Variants in ADCY10 observed in about 807,000 individuals in gnomAD.
The protein encoded by ADCY10 is adenylate cyclase type 10.
Under a neutral mutation model 183.3 loss-of-function variants are expected in ADCY10, and 156 were observed. That is an observed-to-expected ratio of 0.85 (90% CI 0.75 to 0.97). The LOEUF (loss-of-function observed/expected upper bound fraction) is 0.97, where lower values mean the gene tolerates loss of function less well. Among genes scored for constraint, ADCY10 ranks in the 50% least tolerant of loss-of-function variants. ADCY10 has a pLI of 0.00. For synonymous variants in ADCY10, 645 were observed against 670.0 expected, an observed-to-expected ratio of 0.96 and a Z score of 0.58; for missense variants, 1,745 against 1,934.3, an observed-to-expected ratio of 0.90 and a Z score of 1.84.
intron 18 of ADCY10, among the ~76,000 whole-genome samples, chr1:167,850,968 T>C (rs1405754009): frequency 6.6e-6 from 1 of 152,066 alleles, no homozygotes; most frequent in African/African-American, 2.4e-5. Flanking sequence ...AATCTCGTAA[T>C]TCAATTATGT....
At chr1:167,825,903 G>A (rs768221138) in intron 26 of ADCY10, among the ~76,000 whole-genome samples, 2 of 152,194 alleles carry the variant, frequency 1.3e-5, no homozygotes, top group Non-Finnish European at 2.9e-5. Flanking sequence ...GAATAGTGAG[G>A]AGAAAAGGGT....
chr1:167,895,741 AG>A (rs1668929397), intron 7 of ADCY10, among the ~76,000 whole-genome samples: 1 of 152,166 alleles, frequency 6.6e-6, no homozygotes, highest in Admixed American at 6.5e-5. Flanking sequence ...GGACCTTGAG[AG>A]TGAGTGTCTG....
chr1:167,896,264 A>G (rs1263735343), intron 7 of ADCY10, among the ~76,000 whole-genome samples: 2 of 152,232 alleles, frequency 1.3e-5, no homozygotes, highest in African/African-American at 4.8e-5. Context: ...ACATTTACAG[A>G]TTACTTTTCC....
At chr1:167,911,594 C>T (rs113184507) in intron 1 of ADCY10, among the ~76,000 whole-genome samples, 4 of 152,194 alleles carry the variant, frequency 2.6e-5, no homozygotes, top group East Asian at 1.9e-4. Context: ...GGTCCTGTTC[C>T]GGCCAATGGG....
intron 10 of ADCY10, 29 bp downstream of exon 10, chr1:167,880,462 C>T (rs772627123): frequency 2.4e-5 from 37 of 1,537,178 alleles, no homozygotes; most frequent in East Asian, 2.2e-5. Flanking sequence ...GGTCAGGGAC[C>T]GCTGGGTGGG....
chr1:167,858,103 T>C (rs1666030183), intron 16 of ADCY10, among the ~76,000 whole-genome samples: 1 of 152,196 alleles, frequency 6.6e-6, no homozygotes, highest in South Asian at 2.1e-4. Context: ...ATTATAAATA[T>C]AATACAATGC....
At chr1:167,894,039 G>A in intron 7 of ADCY10, 98 bp from the exon 8 acceptor site, 1 of 813,942 alleles carries the variant, frequency 1.2e-6, no homozygotes, top group Non-Finnish European at 2.1e-6. Flanking sequence ...TTGGGCAGTG[G>A]GCCTTCTTGT....
intron 14 of ADCY10, among the ~76,000 whole-genome samples, chr1:167,867,031 C>T (rs1482950824): frequency 6.6e-6 from 1 of 152,200 alleles, no homozygotes; most frequent in African/African-American, 2.4e-5. Flanking sequence ...CTAATGAATG[C>T]TAGACTAACT....
rs199992108 is a variant in ADCY10 at position 167,859,853 on chromosome 1, T to C, written c.1850A>G (p.Lys617Arg). 23 of 1,613,788 alleles carry C rather than the reference T, an allele frequency of 1.4e-5. No individual in the cohort carries two copies. Among genetic ancestry groups the C allele is most frequent in the Admixed American group, 8.3e-5 (5 of 60,028 alleles). Reference protein sequence around the residue: ...SREISRMSTLKKQKQLEILFM... With the variant: ...SREISRMSTLRKQKQLEILFM... ...CAATATTTCCAATTGTTTTTGCTTT[T>C]TCAAGGTGCTCATCCTGGAAATCTC... Residue 617 changes from lysine (K) to arginine (R), a missense_variant, in exon 16 of 33, where the codon AAA (lysine) becomes AGA (arginine). Lys to Arg is a conservative substitution (Grantham distance 26, BLOSUM62 2). Transcript: ENST00000367851.
At chr1:167,896,758 TC>T (rs1222606467) in intron 6 of ADCY10, 67 bp from the exon 7 acceptor site, 37 of 1,131,730 alleles carry the variant, frequency 3.3e-5, no homozygotes, top group Non-Finnish European at 4.8e-5. Flanking sequence ...AAGTGTAATT[TC>T]TTAGCAGAAA....
intron 26 of ADCY10, among the ~76,000 whole-genome samples, chr1:167,827,134 A>G (rs186798915): frequency 4.0e-5 from 6 of 151,720 alleles, no homozygotes; most frequent in African/African-American, 1.5e-4. Context: ...TTGACAACTA[A>G]TGACTCCAGG....
intron 12 of ADCY10, among the ~76,000 whole-genome samples, chr1:167,877,569 A>G (rs1667558387): frequency 6.6e-6 from 1 of 152,160 alleles, no homozygotes; most frequent in African/African-American, 2.4e-5. Context: ...CACTGGGGAT[A>G]TAAGAATAAA....
At chr1:167,822,217 G>A in intron 29 of ADCY10, 76 bp from the exon 30 acceptor site, 3 of 997,862 alleles carry the variant, frequency 3.0e-6, no homozygotes, top group Non-Finnish European at 4.8e-6. Context: ...ACTCTCAGTT[G>A]AATTTCCCAC....
intron 28 of ADCY10, 69 bp from the exon 29 acceptor site, chr1:167,823,192 T>TTAC: frequency 1.5e-6 from 2 of 1,338,370 alleles, no homozygotes; most frequent in Admixed American, 3.5e-5. Flanking sequence ...TTTGGGAGGC[T>TTAC]GAGGTGGGTG....
chr1:167,894,118 C>T (rs768741102), intron 7 of ADCY10, among the ~76,000 whole-genome samples, 177 bp from the exon 8 acceptor site: 27 of 152,158 alleles, frequency 1.8e-4, no homozygotes, highest in Non-Finnish European at 2.8e-4. Flanking sequence ...CAAAGAGGAG[C>T]TCTTAGAGGT....
chr1:167,819,156 T>C (rs1025178940), intron 30 of ADCY10, among the ~76,000 whole-genome samples: 2 of 152,064 alleles, frequency 1.3e-5, no homozygotes, highest in African/African-American at 4.8e-5. Flanking sequence ...TTACATTGCA[T>C]GAAATACCTC....
At chr1:167,850,775 C>T (rs1665424039) in intron 18 of ADCY10, among the ~76,000 whole-genome samples, 1 of 151,210 alleles carries the variant, frequency 6.6e-6, no homozygotes, top group Admixed American at 6.6e-5. Context: ...ATTTCCCCTT[C>T]CAGGACCTAG....
Position 167,810,831 on chromosome 1 carries a change from A to G in ADCY10, c.4565T>C (p.Ile1522Thr). Residue 1522 changes from isoleucine (I) to threonine (T), a missense_variant, in exon 32 of 33, where the codon ATA becomes ACA. Transcript: ENST00000367851. ...RLYHLMAYVC[I>T]LMGDGQKCGL... is the part of the protein sequence containing the mutation. Reference sequence around the variant, plus strand: ...ACATTTCTGCCCATCTCCCATTAATATACAGACGTAAGCCATCAGGTGGTA... The same window carrying G: ...ACATTTCTGCCCATCTCCCATTAATGTACAGACGTAAGCCATCAGGTGGTA... The G allele has an allele frequency of 1.2e-6, 2 of 1,614,210 alleles. No homozygotes were observed. Among genetic ancestry groups the G allele is most frequent in the East Asian group, 2.2e-5 (1 of 44,892 alleles).
At chr1:167,881,631 A>T (rs1429012898) in intron 9 of ADCY10, among the ~76,000 whole-genome samples, 1 of 152,126 alleles carries the variant, frequency 6.6e-6, no homozygotes, top group Non-Finnish European at 1.5e-5. Context: ...TTGCACACTG[A>T]CTCTAAGATA....
Sources: allele counts gnomAD v4.1 joint callset (sites outside exome capture counted in the v4.1 genomes callset), GRCh38; gene constraint gnomAD v4.1.1; transcripts MANE v1.5; gene names NCBI Gene and HGNC (gene_info 2026-07-23, HGNC 2026-07-21).